Variants in FLT4 observed in about 807,000 individuals in gnomAD.
FLT4 encodes vascular endothelial growth factor receptor 3.
In FLT4, 30 loss-of-function variants were observed where a neutral mutation model predicts 163.2. That is an observed-to-expected ratio of 0.18 (90% CI 0.14 to 0.25). The LOEUF (loss-of-function observed/expected upper bound fraction) is 0.25. Ranked by LOEUF, FLT4 falls within the 10% of genes least tolerant of loss-of-function variation. FLT4 has a pLI of 1.00. For missense variants in FLT4, 1,510 were observed against 1,863.8 expected (o/e 0.81, Z 3.50); for synonymous variants, 884 against 789.5 (o/e 1.12, Z -2.01).
chr5:180,612,348 G>A (rs1294390222), intron 26 of FLT4, 158 bp downstream of exon 26: 1 of 674,084 alleles, frequency 1.5e-6, no homozygotes, highest in Non-Finnish European at 2.7e-6. Context: ...ATGCAAGGGT[G>A]TGGGGACGAG....
At position 180,609,049 on chromosome 5, in the gene FLT4, T is replaced by C. The variant is rs765893009; in HGVS notation, c.3812A>G (p.Asn1271Ser). 1 of 1,614,004 alleles carries C rather than the reference T, an allele frequency of 6.2e-7. No homozygotes were observed. The highest frequency in any genetic ancestry group is 1.3e-5 in the African/African-American group (1 of 74,922). Residue 1271 changes from asparagine to serine, a missense_variant, in exon 29 of 30, where the codon AAC (asparagine) becomes AGC (serine). Physicochemically the swap from Asn to Ser is conservative, Grantham distance 46. Around this residue, in one of 5 missense-constraint regions of FLT4, gnomAD observed 295 missense variants for 311.0 expected, o/e 0.95. Coordinates refer to ENST00000261937, the MANE Select transcript of FLT4 (RefSeq NM_182925.5). ...TPTTYKGSVD[N>S]QTDSGMVLAS... ...CAGCACCATCCCACTGTCTGTCTGG[T>C]TGTCCTGTGTGGAGAGGACAAGCCA...
At chr5:180,642,512 C>G (rs1463015412) in intron 1 of FLT4, among the ~76,000 whole-genome samples, 1 of 151,972 alleles carries the variant, frequency 6.6e-6, no homozygotes. Context: ...GAAGCAGGCC[C>G]AGGTCCCCAG....
rs112179787 is a variant in FLT4 at position 180,632,108 on chromosome 5, G to T, written c.59-330C>A. Among the ~76,000 whole-genome samples the T allele has an allele frequency of 1.5e-3, 225 of 152,268 alleles. 2 individuals are homozygous for T. The highest frequency in any genetic ancestry group is 6.8e-3 in the Middle Eastern group (2 of 294). On this transcript the variant is annotated intron_variant, in intron 1 of 29. Transcript: ENST00000261937. Reference sequence around the variant, plus strand: ...TGGCATGAAGGAGCGGGGGAGGGGCGCTGGAGTGTGTCACCTCCACATCAC... The same window carrying T: ...TGGCATGAAGGAGCGGGGGAGGGGCTCTGGAGTGTGTCACCTCCACATCAC...
chr5:180,618,866 G>T lies in FLT4; in HGVS notation c.2905C>A (p.Leu969Met). 2 of 1,584,984 alleles carry T rather than the reference G, an allele frequency of 1.3e-6. 1 individual carries two copies. The highest frequency in any genetic ancestry group is 2.3e-5 in the South Asian group (2 of 87,056). ...RFRAMVELAR[L>M]DRRRPGSSDR... ...CTGCTCCCCGGCCGCCTCCGATCCA[G>T]CCTGGCGAGCTCCACCATGGCGCGG... The change falls in exon 21 of 30, where the codon CTG becomes ATG. Residue 969 changes from leucine to methionine, a missense_variant. By Grantham distance (15) the Leu-to-Met change is conservative (BLOSUM62 2). Coordinates refer to ENST00000261937, the MANE Select transcript of FLT4 (RefSeq NM_182925.5).
At chr5:180,622,967 G>T in intron 11 of FLT4, 128 bp from the exon 12 acceptor site, 1 of 722,882 alleles carries the variant, frequency 1.4e-6, no homozygotes, top group East Asian at 2.7e-5. Context: ...CTTTGGGCTG[G>T]AGAAGACCAA....
Position 180,601,723 on chromosome 5 carries a change from G to A in FLT4, c.*1469C>T, listed in dbSNP as rs1018885801. ...AGATCCTCCCAGGGAAGCCTGACAC[G>A]CCAGTCCCACGTTGGACGACGTGCA... On this transcript the variant is annotated 3_prime_UTR_variant, in exon 30 of 30. Transcript: ENST00000261937. 4.3e-5 allele frequency: 10 copies of A among 233,228 alleles called. No individual in the cohort carries two copies. Among genetic ancestry groups the A allele is most frequent in the Middle Eastern group, 2.5e-3 (2 of 786 alleles). 14.4% of individuals were successfully genotyped at this position (233,228 alleles called of 1,614,324 possible).
At chr5:180,605,916 A>C (rs904124950) in intron 29 of FLT4, among the ~76,000 whole-genome samples, 1 of 152,214 alleles carries the variant, frequency 6.6e-6, no homozygotes, top group African/African-American at 2.4e-5. Flanking sequence ...AGGAGTGAGG[A>C]GGTGAACCCC....
At chr5:180,649,653 G>A (rs1765653638), upstream of FLT4, 5 of 415,260 alleles carry the variant, frequency 1.2e-5, no homozygotes, top group Non-Finnish European at 1.7e-5. Context: ...GCGGGGGCCG[G>A]AGGCGGGCCC....
rs1473677459 is a variant in FLT4, at chr5:180,636,015, G to C, written c.59-4237C>G. 6.6e-6 allele frequency among the ~76,000 whole-genome samples: 1 copy of C among 151,692 alleles called. No homozygotes were observed. The highest frequency in any genetic ancestry group is 1.5e-5 in the Non-Finnish European group (1 of 67,900). ...AGGATGAATGGATGGATGGGTGGAA[G>C]AGTGGGTGGACAGGTGAAAGGTAAG... On this transcript the variant is annotated intron_variant, in intron 1 of 29. Coordinates refer to ENST00000261937, the MANE Select transcript of FLT4 (RefSeq NM_182925.5). This position sits in a 1 kb window ranked among gnomAD's most constrained non-coding sequence, Gnocchi z 4.3.
In FLT4 at chr5:180,620,433, G is replaced by GA; in HGVS notation, c.2407-126dup. Reference sequence around the variant, plus strand: ...GGGGTTCTCAGTCAAGGAGGGGACAGAAAAAAAGACAGACAACCTCTGCGG... The same window carrying GA: ...GGGGTTCTCAGTCAAGGAGGGGACAGAAAAAAAAGACAGACAACCTCTGCGG... On this transcript the variant is annotated intron_variant, in intron 16 of 29. Transcript: ENST00000261937. This position sits in a 1 kb window ranked among gnomAD's most constrained non-coding sequence, Gnocchi z 4.4. 3 of 1,366,330 alleles carry GA rather than the reference G, an allele frequency of 2.2e-6. No individual in the cohort carries two copies. The highest frequency in any genetic ancestry group is 1.4e-5 in the African/African-American group (1 of 69,896). The allele number at this position is 1,366,330 out of a possible 1,614,324, so 84.6% of individuals were successfully genotyped here.
At chr5:180,631,194 C>T (rs1000312574) in intron 2 of FLT4, among the ~76,000 whole-genome samples, 1 of 151,966 alleles carries the variant, frequency 6.6e-6, no homozygotes, top group Non-Finnish European at 1.5e-5. Flanking sequence ...ATGGGGTGGG[C>T]TGGGCACAGT....
chr5:180,631,838 G>A (rs1581684090), intron 1 of FLT4, 60 bp from the exon 2 acceptor site: 2 of 1,154,396 alleles, frequency 1.7e-6, no homozygotes, highest in Non-Finnish European at 2.6e-6. Flanking sequence ...ACGTTGATGG[G>A]GCATGGCTGG....
rs150819165 is a variant in FLT4 at position 180,623,975 on chromosome 5, C to T, written c.1508G>A (p.Ser503Asn). ...CACAAACTCGGTCCAGGTGTCCAGG[C>T]TCTCGATGGGGTTCACGGCATCCTG... is the stretch of plus-strand genomic sequence containing the variant. ...TTQDAVNPIE[S>N]LDTWTEFVEG... Residue 503 changes from serine to asparagine, a missense_variant, in exon 11 of 30, where the codon AGC becomes AAC. Transcript: ENST00000261937. This position sits in a 1 kb window ranked among gnomAD's most constrained non-coding sequence, Gnocchi z 5.8. The T allele has an allele frequency of 2.4e-5, 38 of 1,613,544 alleles. No individual in the cohort carries two copies. The highest frequency in any genetic ancestry group is 5.0e-5 in the Admixed American group (3 of 60,000).
chr5:180,607,082 A>T (rs1383843914), intron 29 of FLT4, among the ~76,000 whole-genome samples: 3 of 152,024 alleles, frequency 2.0e-5, no homozygotes, highest in African/African-American at 7.2e-5. Context: ...TGTCTCAAAA[A>T]ATAAAAATAA....
chr5:180,610,832 C>T (rs1762116033), intron 27 of FLT4, among the ~76,000 whole-genome samples: 2 of 152,178 alleles, frequency 1.3e-5, no homozygotes, highest in South Asian at 4.1e-4. Context: ...CCGAGGCAGG[C>T]AGATCACGAG....
intron 29 of FLT4, among the ~76,000 whole-genome samples, chr5:180,606,912 A>ACAAAC (rs1260951118): frequency 3.7e-5 from 4 of 107,916 alleles, no homozygotes; most frequent in African/African-American, 9.1e-5. Flanking sequence ...AAAAAAAAAA[A>ACAAAC]AAACAAACAA....
chr5:180,643,274 G>A (rs1765260456), intron 1 of FLT4, among the ~76,000 whole-genome samples: 1 of 152,202 alleles, frequency 6.6e-6, no homozygotes, highest in Admixed American at 6.5e-5. Context: ...AGCTGAAATG[G>A]GCTTTGCAGA....
chr5:180,636,138 G>C lies in FLT4; in HGVS notation c.59-4360C>G, dbSNP rs556806969. 5.5e-4 allele frequency among the ~76,000 whole-genome samples: 84 copies of C among 151,992 alleles called. No homozygotes were observed. The highest frequency in any genetic ancestry group is 7.7e-4 in the Non-Finnish European group (52 of 67,968). On this transcript the variant is annotated intron_variant, in intron 1 of 29. Transcript: ENST00000261937. This position sits in a 1 kb window ranked among gnomAD's most constrained non-coding sequence, Gnocchi z 4.3. ...AAGCACCTGCATCACTGCTGAGCAG[G>C]ACCATCCATCGCGCTTGCCAACCCT... is the stretch of plus-strand genomic sequence containing the variant.
intron 21 of FLT4, 100 bp downstream of exon 21, chr5:180,618,670 C>T: frequency 7.6e-7 from 1 of 1,320,010 alleles, no homozygotes; most frequent in Non-Finnish European, 1.1e-6. Context: ...CACACTCTCC[C>T]ATGAAAGCCC....
Sources: allele counts gnomAD v4.1 joint callset (sites outside exome capture counted in the v4.1 genomes callset), GRCh38; gene constraint gnomAD v4.1.1; regional missense constraint gnomAD v4.1.1; non-coding constraint Gnocchi (gnomAD v3.1); transcripts MANE v1.5; gene names NCBI Gene and HGNC (gene_info 2026-07-23, HGNC 2026-07-21).